KL: variants seen among roughly 807,000 people sequenced by gnomAD.
KL encodes the protein klotho, also known as alpha-klotho.
KL carries 62 observed loss-of-function variants against 84.2 expected under a neutral mutation model. The observed-to-expected ratio is 0.74, with a 90% confidence interval of 0.60 to 0.91. The LOEUF is 0.91. KL is among the 40% of genes least tolerant of loss of function. The pLI, the probability that KL is intolerant of heterozygous loss-of-function variation, is 0.00. For missense variants in KL, 1,261 were observed against 1,305.7 expected, an observed-to-expected ratio of 0.97 and a Z score of 0.53; for synonymous variants, 528 against 528.0, an observed-to-expected ratio of 1.00 and a Z score of 0.00.
intron 1 of KL, among the ~76,000 whole-genome samples, chr13:33,030,835 A>C (rs1251450839): frequency 6.6e-6 from 1 of 152,276 alleles, no homozygotes; most frequent in African/African-American, 2.4e-5. Flanking sequence ...CTTGAACATC[A>C]GTAACACAAT....
chr13:33,048,004 C>T (rs1358780105), intron 1 of KL, among the ~76,000 whole-genome samples: 1 of 152,004 alleles, frequency 6.6e-6, no homozygotes, highest in Admixed American at 6.6e-5. Context: ...TTGTTATTCT[C>T]CATTTGTTCA....
At chr13:33,022,782 T>C (rs1007309751) in intron 1 of KL, among the ~76,000 whole-genome samples, 2 of 152,228 alleles carry the variant, frequency 1.3e-5, no homozygotes, top group African/African-American at 4.8e-5. Context: ...GTAGTGCTTA[T>C]CTCAGTGCTT....
chr13:33,032,164 G>A (rs1422547656), intron 1 of KL, among the ~76,000 whole-genome samples: 1 of 152,202 alleles, frequency 6.6e-6, no homozygotes, highest in African/African-American at 2.4e-5. Context: ...AAGAATGTTA[G>A]TCATGACTTG....
intron 1 of KL, among the ~76,000 whole-genome samples, chr13:33,017,597 G>A (rs1566496749): frequency 6.6e-6 from 1 of 152,226 alleles, no homozygotes; most frequent in Non-Finnish European, 1.5e-5. Context: ...AGTAACTGCA[G>A]GAAGAGAATG....
chr13:33,065,438 G>A lies in KL; in HGVS notation c.*1252G>A, dbSNP rs1872374808. On this transcript the variant is annotated 3_prime_UTR_variant, in exon 5 of 5. Transcript: ENST00000380099. The stretch of plus-strand genomic sequence containing the variant: ...GTCTTGCTGATTTTCAGACAGGGAA[G>A]TCTCTCTATTACACTGGAGCTGTTT... 5.1e-6 allele frequency: 1 copy of A among 196,700 alleles called. No homozygotes were observed. The highest frequency in any genetic ancestry group is 1.1e-5 in the Non-Finnish European group (1 of 94,552). 12.2% of individuals were successfully genotyped at this position (196,700 alleles called of 1,614,324 possible).
At chr13:33,020,688 C>T (rs1294662905) in intron 1 of KL, among the ~76,000 whole-genome samples, 4 of 152,186 alleles carry the variant, frequency 2.6e-5, no homozygotes, top group Admixed American at 2.0e-4. Context: ...GCTCTACCTA[C>T]CTCCAGGATG....
chr13:33,046,741 A>G (rs200568371), intron 1 of KL, among the ~76,000 whole-genome samples: 2,875 of 110,110 alleles, frequency 0.026, 97 homozygotes, highest in East Asian at 0.12. Context: ...TTATTGAGAT[A>G]TATCTTGTTT....
At chr13:33,058,350 TC>T (rs1872043757) in intron 3 of KL, among the ~76,000 whole-genome samples, 1 of 149,706 alleles carries the variant, frequency 6.7e-6, no homozygotes, top group Non-Finnish European at 1.5e-5. Context: ...TTTTTTTTTT[TC>T]TTTTTTTTTG....
chr13:33,047,978 AGTT>A (rs1871599658), intron 1 of KL, among the ~76,000 whole-genome samples: 1 of 151,894 alleles, frequency 6.6e-6, no homozygotes, highest in Admixed American at 6.6e-5. Context: ...TGTTTTCTTC[AGTT>A]GTTGTTTCTC....
chr13:33,017,344 C>T (rs571323817), intron 1 of KL, 85 bp downstream of exon 1: 1 of 1,259,782 alleles, frequency 7.9e-7, no homozygotes, highest in Non-Finnish European at 1.1e-6. Flanking sequence ...GGAACTGAGT[C>T]TCCCCCAGAC....
intron 1 of KL, among the ~76,000 whole-genome samples, chr13:33,041,463 C>A (rs770823006): frequency 2.0e-5 from 3 of 149,214 alleles, no homozygotes; most frequent in Non-Finnish European, 4.5e-5. Context: ...TTTGAACTTA[C>A]CAATCAAACA....
At chr13:33,063,310 G>C (rs940308757) in intron 4 of KL, among the ~76,000 whole-genome samples, 4 of 151,512 alleles carry the variant, frequency 2.6e-5, no homozygotes, top group African/African-American at 9.7e-5. Context: ...AAGCAGGACA[G>C]GCAGACCTGA....
At chr13:33,020,135 G>T (rs1870521875) in intron 1 of KL, among the ~76,000 whole-genome samples, 1 of 152,162 alleles carries the variant, frequency 6.6e-6, no homozygotes, top group East Asian at 1.9e-4. Context: ...CTGTGAAAAA[G>T]ACTTCTTTCA....
chr13:33,050,198 T>C (rs1409000305), intron 1 of KL, among the ~76,000 whole-genome samples: 1 of 152,204 alleles, frequency 6.6e-6, no homozygotes, highest in Non-Finnish European at 1.5e-5. Flanking sequence ...TTCTTGGCCA[T>C]ACAGTTAATA....
At chr13:33,021,712 G>A (rs531152878) in intron 1 of KL, among the ~76,000 whole-genome samples, 3 of 152,068 alleles carry the variant, frequency 2.0e-5, no homozygotes, top group African/African-American at 2.4e-5. Flanking sequence ...GTGAAACCCC[G>A]TCTCTACTAA....
intron 1 of KL, among the ~76,000 whole-genome samples, chr13:33,046,697 C>T (rs1394222500): frequency 1.4e-5 from 2 of 143,718 alleles, no homozygotes; most frequent in East Asian, 2.0e-4. Flanking sequence ...TTAGTTGGCT[C>T]TTCTTTTTTA....
intron 1 of KL, among the ~76,000 whole-genome samples, chr13:33,033,990 A>G (rs1418138392): frequency 2.6e-5 from 4 of 152,118 alleles, no homozygotes; most frequent in Admixed American, 1.3e-4. Flanking sequence ...TTGAAAAGGC[A>G]ATCTGAGATT....
In KL at chr13:33,017,184, C is replaced by G. The variant is rs867704047; in HGVS notation, c.744C>G (p.Tyr248Ter). 1 of 1,598,356 alleles carries G rather than the reference C, an allele frequency of 6.3e-7. No individual in the cohort carries two copies. Among genetic ancestry groups the G allele is most frequent in the Non-Finnish European group, 8.5e-7 (1 of 1,179,226 alleles). ...CCTACGTGGTGGCCTGGCACGGCTA[C>G]GCCACCGGGCGCCTGGCCCCCGGCA... is the stretch of plus-strand genomic sequence containing the variant. ...DNPYVVAWHGYATGRLAPGIR... is the reference protein window; with the variant it reads ...DNPYVVAWHG Residue 248 changes from tyrosine to a stop codon, truncating the protein, a stop_gained, in exon 1 of 5, where the codon TAC (tyrosine) becomes TAG (stop). Coordinates refer to ENST00000380099, the MANE Select transcript of KL (RefSeq NM_004795.4). LOFTEE classifies it high-confidence loss of function.
At chr13:33,027,161 C>T (rs533228529) in intron 1 of KL, among the ~76,000 whole-genome samples, 1 of 152,328 alleles carries the variant, frequency 6.6e-6, no homozygotes, top group South Asian at 2.1e-4. Context: ...ATTTGCAGTG[C>T]ATGCTCAATC....
Sources: allele counts gnomAD v4.1 joint callset (sites outside exome capture counted in the v4.1 genomes callset), GRCh38; gene constraint gnomAD v4.1.1; transcripts MANE v1.5; gene names NCBI Gene and HGNC (gene_info 2026-07-23, HGNC 2026-07-21).